DLC1: variants seen among roughly 807,000 people sequenced by gnomAD.
DLC1 encodes DLC1 Rho GTPase activating protein, also known as rho GTPase-activating protein 7.
Under a neutral mutation model 140.3 loss-of-function variants are expected in DLC1, and 54 were observed. The observed-to-expected ratio is 0.38, with a 90% CI of 0.31 to 0.48. The LOEUF is 0.48. Among genes scored for constraint, DLC1 ranks in the 20% least tolerant of loss-of-function variants. The pLI, the probability that DLC1 is intolerant of heterozygous loss-of-function variation, is 0.96. For synonymous variants in DLC1, 986 were observed against 728.1 expected, an observed-to-expected ratio of 1.35 and a Z score of -5.70; for missense variants, 2,536 against 1,907.0, an observed-to-expected ratio of 1.33 and a Z score of -6.14.
rs373279166 is a variant in DLC1 at position 13,230,021 on chromosome 8, G to T, written c.1348+75248C>A. On this transcript the variant is annotated intron_variant, in intron 5 of 17. Transcript: ENST00000276297. ...CACAGACACTACTGATGGAGGCTTT[G>T]ATCTCTTCTGTGGTAGCTGCAGGCT... is the stretch of plus-strand genomic sequence containing the variant. Among the ~76,000 whole-genome samples, 30 of 152,328 alleles carry T rather than the reference G, an allele frequency of 2.0e-4. 1 individual carries two copies. The highest frequency in any genetic ancestry group is 7.2e-4 in the African/African-American group (30 of 41,576).
chr8:13,358,977 C>T (rs1232612578), intron 4 of DLC1, among the ~76,000 whole-genome samples: 2 of 126,462 alleles, frequency 1.6e-5, no homozygotes, highest in Non-Finnish European at 3.3e-5. Context: ...CTTGCTCTGT[C>T]GCCCACGCTG....
chr8:13,435,153 A>C (rs557793355), intron 2 of DLC1, among the ~76,000 whole-genome samples: 1 of 152,326 alleles, frequency 6.6e-6, no homozygotes, highest in East Asian at 1.9e-4. Context: ...ATCAACATGA[A>C]CAGGCATTTG....
intron 5 of DLC1, among the ~76,000 whole-genome samples, chr8:13,254,891 G>A (rs1830155522): frequency 6.6e-6 from 1 of 152,158 alleles, no homozygotes; most frequent in Non-Finnish European, 1.5e-5. Flanking sequence ...CACCGATCCT[G>A]GAAATTGGGG....
chr8:13,335,919 A>T (rs1833793730), intron 4 of DLC1, among the ~76,000 whole-genome samples: 1 of 152,016 alleles, frequency 6.6e-6, no homozygotes. Context: ...TTTTGCAAGG[A>T]ATAAGTTTTC....
At chr8:13,189,064 T>C (rs907928416) in intron 5 of DLC1, among the ~76,000 whole-genome samples, 6 of 151,826 alleles carry the variant, frequency 4.0e-5, no homozygotes, top group African/African-American at 9.7e-5. Flanking sequence ...GTCTTTAGTA[T>C]GTGTTAGATT....
chr8:13,304,904 C>T, intron 5 of DLC1: 3 of 995,214 alleles, frequency 3.0e-6, no homozygotes, highest in Non-Finnish European at 3.6e-6. Flanking sequence ...TTTTCTGTGG[C>T]TACTAAGTCA....
intron 1 of DLC1, among the ~76,000 whole-genome samples, chr8:13,577,740 A>G (rs1804894893): frequency 6.6e-6 from 1 of 152,116 alleles, no homozygotes; most frequent in Admixed American, 6.5e-5. Flanking sequence ...TCTAGGATTT[A>G]TATATGTGTG....
chr8:13,223,708 T>C (rs1165536301), intron 5 of DLC1, among the ~76,000 whole-genome samples: 1 of 152,210 alleles, frequency 6.6e-6, no homozygotes, highest in Non-Finnish European at 1.5e-5. Context: ...CAACAAGCAC[T>C]CCATTTTATT....
chr8:13,386,378 C>A (rs950920837), intron 4 of DLC1, among the ~76,000 whole-genome samples: 2 of 151,898 alleles, frequency 1.3e-5, no homozygotes, highest in Non-Finnish European at 2.9e-5. Flanking sequence ...TTGCCAGCCC[C>A]CAAAATTATT....
At chr8:13,161,280 G>C (rs919070261) in intron 5 of DLC1, among the ~76,000 whole-genome samples, 10 of 152,292 alleles carry the variant, frequency 6.6e-5, no homozygotes, top group African/African-American at 2.4e-4. Flanking sequence ...ACGATTCTAA[G>C]AGCAGCACTG....
chr8:13,442,168 T>C (rs1473586812), intron 2 of DLC1, among the ~76,000 whole-genome samples: 1 of 152,228 alleles, frequency 6.6e-6, no homozygotes, highest in Non-Finnish European at 1.5e-5. Flanking sequence ...AAGCTGAAAC[T>C]AGATCCTTTC....
chr8:13,122,285 C>T (rs1415434726), intron 5 of DLC1, among the ~76,000 whole-genome samples: 1 of 152,156 alleles, frequency 6.6e-6, no homozygotes, highest in Non-Finnish European at 1.5e-5. Context: ...TCTTGGAAGG[C>T]CTCCAAATGT....
At chr8:13,111,727 C>T (rs1197108245) in intron 6 of DLC1, among the ~76,000 whole-genome samples, 1 of 151,894 alleles carries the variant, frequency 6.6e-6, no homozygotes, top group East Asian at 1.9e-4. Flanking sequence ...AAATCATGGG[C>T]CTCCTCAGTA....
At chr8:13,244,581 G>A (rs766050348) in intron 5 of DLC1, among the ~76,000 whole-genome samples, 1 of 151,978 alleles carries the variant, frequency 6.6e-6, no homozygotes, top group African/African-American at 2.4e-5. Context: ...TTACAGGCAT[G>A]AGCCACCACT....
chr8:13,299,181 G>A (rs186272006), intron 5 of DLC1, among the ~76,000 whole-genome samples: 76 of 152,024 alleles, frequency 5.0e-4, no homozygotes, highest in African/African-American at 1.8e-3. Context: ...GGTGGCTCAT[G>A]CCTGTAATCC....
chr8:13,087,475 G>A (rs1417127207), intron 16 of DLC1, among the ~76,000 whole-genome samples: 2 of 152,162 alleles, frequency 1.3e-5, no homozygotes, highest in Admixed American at 6.5e-5. Context: ...TTAGAACCAT[G>A]AGCCAAATAA....
intron 5 of DLC1, among the ~76,000 whole-genome samples, chr8:13,277,866 T>C (rs1287867975): frequency 2.6e-5 from 4 of 152,256 alleles, no homozygotes; most frequent in African/African-American, 9.6e-5. Flanking sequence ...ATTACCATAA[T>C]TATTTTTACA....
intron 4 of DLC1, among the ~76,000 whole-genome samples, chr8:13,306,360 C>T (rs1470529339): frequency 1.3e-5 from 2 of 152,158 alleles, no homozygotes; most frequent in African/African-American, 4.8e-5. Flanking sequence ...TTCTGGTTCT[C>T]ATTCATCTCA....
intron 5 of DLC1, among the ~76,000 whole-genome samples, chr8:13,217,678 CAAA>C (rs571144370): frequency 6.8e-6 from 1 of 147,986 alleles, no homozygotes; most frequent in Non-Finnish European, 1.5e-5. Context: ...ACTAAAAATA[CAAA>C]AAAAAAATTA....
Sources: gnomAD v4.1 joint callset for allele counts (sites outside exome capture counted in the v4.1 genomes callset) on GRCh38, gnomAD v4.1.1 for gene constraint, MANE v1.5 for transcripts, NCBI Gene and HGNC (gene_info 2026-07-23, HGNC 2026-07-21) for gene names.